Variants in ATCAY observed in about 807,000 individuals in gnomAD.
ATCAY encodes the protein caytaxin.
ATCAY carries 22 observed loss-of-function variants against 47.7 expected under a neutral mutation model. That is an observed-to-expected ratio of 0.46 (90% confidence interval 0.33 to 0.66). ATCAY has a LOEUF of 0.66. ATCAY is among the 30% of genes least tolerant of loss of function. The pLI, the probability that ATCAY is intolerant of heterozygous loss-of-function variation, is 0.02. For synonymous variants in ATCAY, 216 were observed against 207.6 expected, an observed-to-expected ratio of 1.04 and a Z score of -0.35; for missense variants, 452 against 515.0, an observed-to-expected ratio of 0.88 and a Z score of 1.18.
chr19:3,922,813 T>C (rs1382268184), intron 12 of ATCAY, among the ~76,000 whole-genome samples: 1 of 152,132 alleles, frequency 6.6e-6, no homozygotes, highest in Non-Finnish European at 1.5e-5. Context: ...GGCATGATCT[T>C]GGCTCACTGC....
At chr19:3,920,958 C>A in intron 12 of ATCAY, 160 bp downstream of exon 12, 1 of 838,078 alleles carries the variant, frequency 1.2e-6, no homozygotes. Context: ...CATGACTTAT[C>A]GGGAGTGGGG....
At chr19:3,911,298 C>G (rs1267780880) in intron 8 of ATCAY, among the ~76,000 whole-genome samples, 1 of 151,944 alleles carries the variant, frequency 6.6e-6, no homozygotes, top group Non-Finnish European at 1.5e-5. Flanking sequence ...CCCAGGAGAT[C>G]AAGGCTGCAA....
intron 2 of ATCAY, among the ~76,000 whole-genome samples, chr19:3,898,346 C>T (rs1026929288): frequency 1.3e-5 from 2 of 152,056 alleles, no homozygotes; most frequent in African/African-American, 2.4e-5. Context: ...CCACACCCAG[C>T]TAATTGTTTT....
At chr19:3,905,810 G>A (rs188735924) in intron 4 of ATCAY, among the ~76,000 whole-genome samples, 155 bp downstream of exon 4, 4 of 152,028 alleles carry the variant, frequency 2.6e-5, no homozygotes, top group Admixed American at 6.6e-5. Context: ...GCAGTGAGAC[G>A]TGATCATGCC....
chr19:3,881,866 G>GCT (rs2038603226), intron 1 of ATCAY, among the ~76,000 whole-genome samples: 1 of 117,612 alleles, frequency 8.5e-6, no homozygotes, highest in Admixed American at 9.3e-5. Context: ...TGCTGCCACC[G>GCT]CCCCCCCCCC....
intron 1 of ATCAY, among the ~76,000 whole-genome samples, chr19:3,885,109 T>TAAA (rs34258948): frequency 0.043 from 2,996 of 70,160 alleles, 104 homozygotes; most frequent in Non-Finnish European, 0.051. Context: ...TTTTTTTTTT[T>TAAA]AAAAAAAAAA....
chr19:3,892,109 C>T (rs1289699445), intron 2 of ATCAY, among the ~76,000 whole-genome samples: 4 of 151,996 alleles, frequency 2.6e-5, no homozygotes, highest in Admixed American at 6.6e-5. Flanking sequence ...AGGCTGGTCT[C>T]GAACTACTGA....
chr19:3,904,614 C>T (rs1228779348), intron 3 of ATCAY, among the ~76,000 whole-genome samples: 1 of 149,786 alleles, frequency 6.7e-6, no homozygotes, highest in Non-Finnish European at 1.5e-5. Flanking sequence ...TTTTTCCATA[C>T]ATATAGGAAA....
Position 3,907,665 on chromosome 19 carries a change from A to C in ATCAY, c.359-69A>C, listed in dbSNP as rs2038874314. 1 of 1,575,458 alleles carries C rather than the reference A, an allele frequency of 6.3e-7. No individual in the cohort carries two copies. Among genetic ancestry groups the C allele is most frequent in the African/African-American group, 1.4e-5 (1 of 73,674 alleles). On this transcript the variant is annotated intron_variant, in intron 4 of 12. Coordinates refer to ENST00000450849, the MANE Select transcript of ATCAY (RefSeq NM_033064.5). The surrounding 1 kb of genome is among the most constrained non-coding windows in gnomAD (Gnocchi z 5.1). ...CGAGGGAGGTGGGAGAGGGGAAGGA[A>C]GGCTGAGCAGGAGGGCAGGAGATAT...
At chr19:3,903,980 TAC>T (rs1246379446) in intron 3 of ATCAY, among the ~76,000 whole-genome samples, 4 of 46,038 alleles carry the variant, frequency 8.7e-5, no homozygotes, top group African/African-American at 5.6e-4. Flanking sequence ...CTACTAAAGA[TAC>T]AAAAAAAAAA....
chr19:3,892,574 A>T (rs2038727604), intron 2 of ATCAY, among the ~76,000 whole-genome samples: 1 of 152,162 alleles, frequency 6.6e-6, no homozygotes, highest in African/African-American at 2.4e-5. Flanking sequence ...CTTTAGTAGG[A>T]TTATACAATT....
chr19:3,908,420 C>CTG, intron 6 of ATCAY, 50 bp downstream of exon 6: 1 of 1,462,674 alleles, frequency 6.8e-7, no homozygotes, highest in Non-Finnish European at 9.4e-7. Context: ...TGATGCCTCC[C>CTG]TGGCCACAGG....
intron 6 of ATCAY, among the ~76,000 whole-genome samples, chr19:3,909,131 G>T: frequency 7.3e-6 from 1 of 137,870 alleles, no homozygotes; most frequent in African/African-American, 2.7e-5. Context: ...CAGCTACTAG[G>T]GAGGCTGTGG....
chr19:3,913,062 C>G (rs747330510), intron 8 of ATCAY, among the ~76,000 whole-genome samples: 1 of 152,002 alleles, frequency 6.6e-6, no homozygotes, highest in Non-Finnish European at 1.5e-5. Context: ...TAGAGGCAGG[C>G]AGATCACATG....
At position 3,894,364 on chromosome 19, in the gene ATCAY, G is replaced by A. The variant is rs1009727149; in HGVS notation, c.78-8123G>A. On this transcript the variant is annotated intron_variant, in intron 2 of 12. Transcript: ENST00000450849. The stretch of plus-strand genomic sequence containing the variant: ...CTGGGCGTGGTGGCAGGCGCCTGTA[G>A]TCCCAGCTACTCGGGAGGCTGAGGC... Among the ~76,000 whole-genome samples the A allele has an allele frequency of 9.0e-4, 137 of 151,568 alleles. 1 individual carries two copies. Among genetic ancestry groups the A allele is most frequent in the Non-Finnish European group, 5.0e-4 (34 of 67,870 alleles).
chr19:3,890,797 C>T (rs572412987), intron 2 of ATCAY, among the ~76,000 whole-genome samples: 2 of 152,208 alleles, frequency 1.3e-5, no homozygotes, highest in East Asian at 1.9e-4. Context: ...GCCTGGCCCC[C>T]ACGAGCTACG....
At chr19:3,906,692 G>A (rs1464867027) in intron 4 of ATCAY, among the ~76,000 whole-genome samples, 7 of 152,110 alleles carry the variant, frequency 4.6e-5, no homozygotes, top group Admixed American at 3.3e-4. Flanking sequence ...AGGCGACCAA[G>A]ATCCCAACAA....
intron 12 of ATCAY, among the ~76,000 whole-genome samples, chr19:3,921,930 A>C (rs374080030): frequency 6.6e-6 from 1 of 152,036 alleles, no homozygotes; most frequent in Non-Finnish European, 1.5e-5. Context: ...AAAACTTAAC[A>C]AAAGGAAGAG....
rs575936577 is a variant in ATCAY, at chr19:3,902,067, C to G, written c.78-420C>G. ...GTGGCTCACGCCCGTAATCCCAACACTTTGGGAGGCTGAGGTGGGAAGATG... is the reference window on the plus strand; with the variant it reads ...GTGGCTCACGCCCGTAATCCCAACAGTTTGGGAGGCTGAGGTGGGAAGATG... On this transcript the variant is annotated intron_variant, in intron 2 of 12. Coordinates refer to ENST00000450849, the MANE Select transcript of ATCAY (RefSeq NM_033064.5). Among the ~76,000 whole-genome samples, 153 of 152,238 alleles carry G rather than the reference C, an allele frequency of 1.0e-3. 1 individual carries two copies. The highest frequency in any genetic ancestry group is 1.9e-3 in the Non-Finnish European group (128 of 68,018).
Sources: gnomAD v4.1 joint callset for allele counts (sites outside exome capture counted in the v4.1 genomes callset) on GRCh38, gnomAD v4.1.1 for gene constraint, Gnocchi (gnomAD v3.1) non-coding constraint, MANE v1.5 for transcripts, NCBI Gene and HGNC (gene_info 2026-07-23, HGNC 2026-07-21) for gene names.